Variants in APH1B observed in about 807,000 individuals in gnomAD.
APH1B encodes the protein aph-1B gamma-secretase subunit.
A neutral mutation model predicts 28.2 loss-of-function variants in APH1B; 27 were observed. The observed-to-expected ratio is 0.96, with a 90% CI of 0.70 to 1.32. The LOEUF (loss-of-function observed/expected upper bound fraction) is 1.32, where lower values mean the gene tolerates loss of function less well. APH1B is among the 40% of genes most tolerant of loss of function. APH1B has a pLI of 0.00. For synonymous variants in APH1B, 141 were observed against 124.6 expected, an observed-to-expected ratio of 1.13 and a Z score of -0.88; for missense variants, 305 against 313.6, an observed-to-expected ratio of 0.97 and a Z score of 0.21.
chr15:63,287,382 C>A, intron 3 of APH1B, 42 bp from the exon 4 acceptor site: 1 of 1,605,284 alleles, frequency 6.2e-7, no homozygotes, highest in Non-Finnish European at 8.5e-7. Flanking sequence ...GACTTGAAAT[C>A]TTGGCAGGAA....
At chr15:63,297,768 G>A (rs1458093013) in intron 4 of APH1B, among the ~76,000 whole-genome samples, 1 of 152,168 alleles carries the variant, frequency 6.6e-6, no homozygotes, top group Non-Finnish European at 1.5e-5. Flanking sequence ...GCAGAATGAT[G>A]CAGATATCCG....
chr15:63,277,781 C>A, intron 1 of APH1B, 45 bp downstream of exon 1: 1 of 1,574,696 alleles, frequency 6.4e-7, no homozygotes, highest in Non-Finnish European at 8.7e-7. Flanking sequence ...GGCTCCCCTC[C>A]CCCGCTGGGG....
rs951043761 is a variant in APH1B, at chr15:63,286,767, A to G, written c.355+139A>G. 7 of 739,448 alleles carry G rather than the reference A, an allele frequency of 9.5e-6. No individual in the cohort carries two copies. The African/African-American group carries it at 1.3e-4, about 14-fold the overall frequency. 45.8% of individuals were successfully genotyped at this position (739,448 alleles called of 1,614,324 possible). A position where few individuals can be genotyped will look rare whatever the true frequency, so the allele number is the denominator to read the frequency against. On this transcript the variant is annotated intron_variant, in intron 3 of 5. Transcript: ENST00000261879. ...CTATTGGTGTACATATTTGCTTATT[A>G]TCCCCGTCTTCCAGGTTCCTTTTGT...
intron 1 of APH1B, chr15:63,278,368 T>G (rs757409192): frequency 1.5e-5 from 7 of 456,646 alleles, no homozygotes; most frequent in Non-Finnish European, 3.1e-5. Context: ...AATACCGGAC[T>G]CTGGTGTCCC....
chr15:63,302,302 C>T (rs1332282676), intron 4 of APH1B, 43 bp from the exon 5 acceptor site: 1 of 1,605,358 alleles, frequency 6.2e-7, no homozygotes, highest in Admixed American at 1.7e-5. Flanking sequence ...CTCAGTGGTT[C>T]TGATACCTGT....
intron 2 of APH1B, among the ~76,000 whole-genome samples, chr15:63,280,608 A>G (rs2038376341): frequency 6.6e-6 from 1 of 152,258 alleles, no homozygotes; most frequent in Non-Finnish European, 1.5e-5. Context: ...TTAGGAATTG[A>G]AATCCAGGAA....
chr15:63,277,924 C>A (rs879497395), intron 1 of APH1B, 188 bp downstream of exon 1: 4 of 606,612 alleles, frequency 6.6e-6, no homozygotes, highest in East Asian at 2.9e-5. Flanking sequence ...GAAGCGCACA[C>A]TGGGGGTCAG....
chr15:63,280,015 T>G (rs2038369163), intron 2 of APH1B, among the ~76,000 whole-genome samples: 1 of 151,972 alleles, frequency 6.6e-6, no homozygotes, highest in African/African-American at 2.4e-5. Flanking sequence ...CCAGGCTGGT[T>G]TCAAACTCCT....
rs1404970092 is a variant in APH1B, at chr15:63,285,384, A to G, written c.285-1174A>G. On this transcript the variant is annotated intron_variant, in intron 2 of 5. Transcript: ENST00000261879. ...TTGTTTCAACATTTGCTAAAAAATC[A>G]TTTTTAAAATGTTTTGGTTCTTTTG... 1.3e-5 allele frequency among the ~76,000 whole-genome samples: 2 copies of G among 152,230 alleles called. 1 individual carries two copies. Among genetic ancestry groups the G allele is most frequent in the Admixed American group, 1.3e-4 (2 of 15,286 alleles).
chr15:63,290,147 A>G (rs1039483077), intron 4 of APH1B, among the ~76,000 whole-genome samples: 8 of 152,256 alleles, frequency 5.3e-5, no homozygotes, highest in Non-Finnish European at 1.0e-4. Flanking sequence ...TTCAGCCTGT[A>G]GTATATATCT....
intron 4 of APH1B, among the ~76,000 whole-genome samples, chr15:63,300,246 TA>T (rs554971633): frequency 6.6e-6 from 1 of 150,570 alleles, no homozygotes; most frequent in Non-Finnish European, 1.5e-5. Context: ...GAAAAACAGT[TA>T]AAAAAAAACA....
At chr15:63,296,512 C>T (rs57511068) in intron 4 of APH1B, among the ~76,000 whole-genome samples, 6,675 of 152,054 alleles carry the variant, frequency 0.044, 471 homozygotes, top group African/African-American at 0.15. Context: ...CTGTCTTAGG[C>T]CATTAGCTTT....
In APH1B at chr15:63,284,411, A is replaced by G. The variant is rs567231850; in HGVS notation, c.285-2147A>G. Among the ~76,000 whole-genome samples, 186 of 152,096 alleles carry G rather than the reference A, an allele frequency of 1.2e-3. 1 individual carries two copies. Among genetic ancestry groups the G allele is most frequent in the South Asian group, 4.2e-3 (20 of 4,802 alleles). ...GTATTTTCTGTAGAGATGGGGATTC[A>G]CCATGTTGCCCAACCTGGTCTCAAA... is the stretch of plus-strand genomic sequence containing the variant. On this transcript the variant is annotated intron_variant, in intron 2 of 5. Transcript: ENST00000261879.
intron 2 of APH1B, among the ~76,000 whole-genome samples, chr15:63,285,531 C>G (rs2038435841): frequency 3.9e-5 from 6 of 152,202 alleles, no homozygotes; most frequent in Admixed American, 3.9e-4. Flanking sequence ...GTAGAATTGA[C>G]CAGCCACACC....
rs79339390 is a variant in APH1B, at chr15:63,282,077, G to A, written c.284+2746G>A. On this transcript the variant is annotated intron_variant, in intron 2 of 5. Coordinates refer to ENST00000261879, the MANE Select transcript of APH1B (RefSeq NM_031301.4). ...TATTCAAAATTTTCCCAGCAAATTT[G>A]AGAAATGTTAAATGTTATGTAGATG... Among the ~76,000 whole-genome samples, 4 of 152,280 alleles carry A rather than the reference G, an allele frequency of 2.6e-5. No homozygotes were observed. The East Asian group carries it at 7.7e-4, about 29-fold the overall frequency.
chr15:63,286,605 C>T lies in APH1B; in HGVS notation c.332C>T (p.Pro111Leu). ...LKSINPGETA[P>L]SMRLLAYVSG... Reference sequence around the variant, plus strand: ...AGTATAAACCCAGGTGAGACAGCACCCTCTATGCGACTGCTGGCCTATGGT... The same window carrying T: ...AGTATAAACCCAGGTGAGACAGCACTCTCTATGCGACTGCTGGCCTATGGT... Residue 111 changes from proline (P) to leucine (L), a missense_variant, in exon 3 of 6, where the codon CCC becomes CTC. By Grantham distance (98) the Pro-to-Leu change is moderately conservative. Transcript: ENST00000261879. 1 of 1,607,310 alleles carries T rather than the reference C, an allele frequency of 6.2e-7. No individual in the cohort carries two copies. The highest frequency in any genetic ancestry group is 8.5e-7 in the Non-Finnish European group (1 of 1,177,554).
chr15:63,286,510 CTTT>C (rs58838039), intron 2 of APH1B, 45 bp from the exon 3 acceptor site: 1,799 of 1,235,508 alleles, frequency 1.5e-3, no homozygotes, highest in East Asian at 4.4e-3. Flanking sequence ...ATTGCTCTTC[CTTT>C]TTTTTTTTTT....
intron 2 of APH1B, among the ~76,000 whole-genome samples, chr15:63,281,900 A>G (rs940727368): frequency 2.6e-5 from 4 of 152,226 alleles, no homozygotes; most frequent in Non-Finnish European, 5.9e-5. Context: ...CTCGAATGCC[A>G]GGAAGTTCAG....
At position 63,302,266 on chromosome 15, in the gene APH1B, G is replaced by A. The variant is rs938736936; in HGVS notation, c.479-79G>A. The A allele has an allele frequency of 2.8e-5, 43 of 1,524,286 alleles. No individual in the cohort carries two copies. In the South Asian group the frequency reaches 4.0e-4, roughly 14 times the overall value. The allele number at this position is 1,524,286 out of a possible 1,614,324, so 94.4% of individuals were successfully genotyped here. A position where few individuals can be genotyped will look rare whatever the true frequency, so the allele number is the denominator to read the frequency against. On this transcript the variant is annotated intron_variant, in intron 4 of 5. Coordinates refer to ENST00000261879, the MANE Select transcript of APH1B (RefSeq NM_031301.4). Reference sequence around the variant, plus strand: ...CTTGCTGAGGTGTGGTGGACACCCCGAGAGCCCGTGCACAGTGCCAGGGTC... The same window carrying A: ...CTTGCTGAGGTGTGGTGGACACCCCAAGAGCCCGTGCACAGTGCCAGGGTC...
Sources: gnomAD v4.1 joint callset for allele counts (sites outside exome capture counted in the v4.1 genomes callset) on GRCh38, gnomAD v4.1.1 for gene constraint, MANE v1.5 for transcripts, NCBI Gene and HGNC (gene_info 2026-07-23, HGNC 2026-07-21) for gene names.